Variants in ERI3 observed in about 807,000 individuals in gnomAD.
The protein encoded by ERI3 is ERI1 exoribonuclease family member 3, also known as ERI1 exoribonuclease 3.
ERI3 carries 18 observed loss-of-function variants against 44.4 expected under a neutral mutation model. The ratio of observed to expected loss-of-function variants is 0.41; its 90% CI spans 0.28 to 0.60. The LOEUF is 0.60. Among genes scored for constraint, ERI3 ranks in the 20% least tolerant of loss-of-function variants. ERI3 has a pLI of 0.36. For synonymous variants in ERI3, 183 were observed against 164.8 expected (o/e 1.11, Z -0.84); for missense variants, 294 against 435.5 (o/e 0.68, Z 2.89).
chr1:44,308,501 C>G (rs1645888020), intron 5 of ERI3, 100 bp from the exon 6 acceptor site: 1 of 945,208 alleles, frequency 1.1e-6, no homozygotes, highest in African/African-American at 1.6e-5. Context: ...GTAATCAGAA[C>G]AGGAGAAAAT....
chr1:44,314,131 ACTT>A (rs1246435414), intron 4 of ERI3, among the ~76,000 whole-genome samples: 2 of 146,616 alleles, frequency 1.4e-5, no homozygotes, highest in Non-Finnish European at 3.0e-5. Context: ...TTGCTTGGAA[ACTT>A]CTTTTTTTTA....
intron 3 of ERI3, among the ~76,000 whole-genome samples, chr1:44,334,173 C>T (rs753455481): frequency 2.6e-5 from 4 of 152,348 alleles, no homozygotes; most frequent in African/African-American, 9.6e-5. Flanking sequence ...GTGCTGCACC[C>T]TCCCTCCCTG....
chr1:44,306,008 G>A (rs1315895407), intron 6 of ERI3, among the ~76,000 whole-genome samples: 3 of 152,172 alleles, frequency 2.0e-5, no homozygotes, highest in East Asian at 1.9e-4. Flanking sequence ...AGCCTCTGCC[G>A]AGGTTCCAGG....
At chr1:44,339,797 C>T (rs1022020004) in intron 2 of ERI3, among the ~76,000 whole-genome samples, 10 of 152,230 alleles carry the variant, frequency 6.6e-5, no homozygotes, top group African/African-American at 2.4e-4. Flanking sequence ...CTCAGCTCCA[C>T]TAGGAGCCAT....
chr1:44,349,032 G>C (rs1646839673), intron 2 of ERI3, among the ~76,000 whole-genome samples: 1 of 152,218 alleles, frequency 6.6e-6, no homozygotes, highest in Non-Finnish European at 1.5e-5. Context: ...AATGACCCCA[G>C]ACAGACAGGG....
At chr1:44,224,157 G>T (rs1423328313) in intron 8 of ERI3, among the ~76,000 whole-genome samples, 1 of 152,076 alleles carries the variant, frequency 6.6e-6, no homozygotes, top group Non-Finnish European at 1.5e-5. Context: ...AATCATCTTG[G>T]ATTACAACAG....
intron 1 of ERI3, chr1:44,353,259 T>C: frequency 1.0e-6 from 1 of 985,192 alleles, no homozygotes; most frequent in Non-Finnish European, 1.2e-6. Context: ...GCTGACAATA[T>C]TCAGAACTAA....
intron 7 of ERI3, among the ~76,000 whole-genome samples, chr1:44,254,657 C>A (rs150994717): frequency 6.6e-6 from 1 of 152,098 alleles, no homozygotes; most frequent in Admixed American, 6.6e-5. Flanking sequence ...GCCTTAGCAA[C>A]CCTCAATGGT....
intron 1 of ERI3, chr1:44,354,094 A>G (rs1483764362): frequency 1.0e-6 from 1 of 985,368 alleles, no homozygotes; most frequent in Non-Finnish European, 1.2e-6. Context: ...GAATTTGATG[A>G]AGCCAATTTC....
chr1:44,265,526 A>G (rs1644973929), intron 7 of ERI3, among the ~76,000 whole-genome samples: 1 of 152,194 alleles, frequency 6.6e-6, no homozygotes, highest in Non-Finnish European at 1.5e-5. Context: ...GGAGCTCACA[A>G]TGTACTAGGA....
chr1:44,224,382 T>A (rs1643983125), intron 8 of ERI3, among the ~76,000 whole-genome samples: 2 of 152,214 alleles, frequency 1.3e-5, no homozygotes, highest in African/African-American at 4.8e-5. Flanking sequence ...TGGACTCCAA[T>A]CTCAAGGACC....
intron 7 of ERI3, among the ~76,000 whole-genome samples, chr1:44,249,076 AT>A (rs1644618868): frequency 6.6e-6 from 1 of 152,154 alleles, no homozygotes; most frequent in Non-Finnish European, 1.5e-5. Context: ...GCCAAATAGG[AT>A]TGAATTCCTG....
At chr1:44,345,554 C>T (rs1224167817) in intron 2 of ERI3, among the ~76,000 whole-genome samples, 1 of 152,182 alleles carries the variant, frequency 6.6e-6, no homozygotes, top group African/African-American at 2.4e-5. Flanking sequence ...CCCAATCTGA[C>T]CTGCAGTATC....
intron 5 of ERI3, among the ~76,000 whole-genome samples, chr1:44,312,089 G>C (rs933608430): frequency 6.6e-6 from 1 of 151,926 alleles, no homozygotes; most frequent in Non-Finnish European, 1.5e-5. Flanking sequence ...TCTGACCCTG[G>C]CTCCATCCTT....
At chr1:44,352,785 A>T in intron 2 of ERI3, 65 bp downstream of exon 2, 1 of 1,577,846 alleles carries the variant, frequency 6.3e-7, no homozygotes, top group Non-Finnish European at 8.7e-7. Flanking sequence ...CCCACCCCCT[A>T]CCCTCCAAGC....
At chr1:44,292,991 C>T (rs1273406650) in intron 6 of ERI3, among the ~76,000 whole-genome samples, 1 of 152,220 alleles carries the variant, frequency 6.6e-6, no homozygotes, top group Non-Finnish European at 1.5e-5. Context: ...AGCAAGGGAG[C>T]GGGAAGCCGA....
In ERI3 at chr1:44,221,242, C is replaced by T; in HGVS notation, c.*316G>A. ...GCACAGGAGGGGCTTGGTGGCCCCA[C>T]AGAAGCCTGTGTACCAGGGAGGAGG... On this transcript the variant is annotated 3_prime_UTR_variant, in exon 9 of 9. Transcript: ENST00000372257. The surrounding 1 kb of genome is among the most constrained non-coding windows in gnomAD (Gnocchi z 5.9). 5.1e-6 allele frequency: 2 copies of T among 395,588 alleles called. No homozygotes were observed. Among genetic ancestry groups the T allele is most frequent in the Non-Finnish European group, 9.3e-6 (2 of 215,234 alleles). The allele number at this position is 395,588 out of a possible 1,614,324, so 24.5% of individuals were successfully genotyped here.
intron 6 of ERI3, among the ~76,000 whole-genome samples, chr1:44,303,047 A>G (rs1645759438): frequency 6.6e-6 from 1 of 152,262 alleles, no homozygotes; most frequent in African/African-American, 2.4e-5. Flanking sequence ...ATAAGTGCTC[A>G]ATAAACACTC....
intron 3 of ERI3, among the ~76,000 whole-genome samples, chr1:44,337,494 A>G (rs1480875160): frequency 6.6e-6 from 1 of 152,218 alleles, no homozygotes; most frequent in Non-Finnish European, 1.5e-5. Context: ...AGAAGACTAC[A>G]GTATAGGCAG....
Sources: gnomAD v4.1 joint callset for allele counts (sites outside exome capture counted in the v4.1 genomes callset) on GRCh38, gnomAD v4.1.1 for gene constraint, Gnocchi (gnomAD v3.1) non-coding constraint, MANE v1.5 for transcripts, NCBI Gene and HGNC (gene_info 2026-07-23, HGNC 2026-07-21) for gene names.